The following POLE variants were observed in gnomAD, a reference collection of about 807,000 sequenced individuals.
POLE encodes DNA polymerase epsilon catalytic subunit A.
A neutral mutation model predicts 279.2 loss-of-function variants in POLE; 188 were observed. That is an observed-to-expected ratio of 0.67 (90% CI 0.60 to 0.76). The LOEUF is 0.76. Among genes scored for constraint, POLE ranks in the 30% least tolerant of loss-of-function variants. POLE has a pLI of 0.00. For synonymous variants in POLE, 1,214 were observed against 1,172.5 expected (o/e 1.04, Z -0.72); for missense variants, 2,703 against 3,016.7 (o/e 0.90, Z 2.44).
Position 132,644,084 on chromosome 12 carries a change from G to A in POLE, c.4150-107C>T, listed in dbSNP as rs10870483. 764,311 of 1,238,554 alleles carry A rather than the reference G, an allele frequency of 0.62. 239,101 individuals are homozygous for A. Among genetic ancestry groups the A allele is most frequent in the African/African-American group, 0.85 (57,129 of 67,026 alleles). 76.7% of individuals were successfully genotyped at this position (1,238,554 alleles called of 1,614,324 possible). A position where few individuals can be genotyped will look rare whatever the true frequency, so the allele number is the denominator to read the frequency against. ...GAGTCCTAGACTTCTGGTGCCCCTA[G>A]CGACGGGGTACACCCACCACGCCAC... is the stretch of plus-strand genomic sequence containing the variant. On this transcript the variant is annotated intron_variant, in intron 32 of 48. Coordinates refer to ENST00000320574, the MANE Select transcript of POLE (RefSeq NM_006231.4).
Position 132,648,938 on chromosome 12 carries a change from C to A in POLE, c.4140G>T (p.Ser1380=), listed in dbSNP as rs199851128. The part of the protein sequence containing the change: ...QRVAKAEEGA[S]YRKVNRVLPR... ...ACCAGCTCCTCCCTACCTTGCGATACGAAGCACCCTCCTCCGCTTTAGCGA... is the reference window on the plus strand; with the variant it reads ...ACCAGCTCCTCCCTACCTTGCGATAAGAAGCACCCTCCTCCGCTTTAGCGA... Residue 1380 remains serine (S), a synonymous_variant, in exon 32 of 49, where the codon TCG becomes TCT. Coordinates refer to ENST00000320574, the MANE Select transcript of POLE (RefSeq NM_006231.4). The A allele has an allele frequency of 6.2e-7, 1 of 1,612,200 alleles. No homozygotes were observed. Among genetic ancestry groups the A allele is most frequent in the Non-Finnish European group, 8.5e-7 (1 of 1,178,694 alleles).
At position 132,634,050 on chromosome 12, in the gene POLE, G is replaced by A; in HGVS notation, c.6004+136C>T. 1 of 784,420 alleles carries A rather than the reference G, an allele frequency of 1.3e-6. No homozygotes were observed. Among genetic ancestry groups the A allele is most frequent in the Non-Finnish European group, 2.1e-6 (1 of 483,322 alleles). The allele number at this position is 784,420 out of a possible 1,614,324, so 48.6% of individuals were successfully genotyped here. ...GAGAGGAGGCCCCTCGGCTCACAAA[G>A]TCCCAACTGCTGGGCAGGCTCCGCC... is the stretch of plus-strand genomic sequence containing the variant. On this transcript the variant is annotated intron_variant, in intron 43 of 48. Transcript: ENST00000320574. The surrounding 1 kb of genome is among the most constrained non-coding windows in gnomAD (Gnocchi z 4.0).
At chr12:132,648,802 T>C in intron 32 of POLE, 127 bp downstream of exon 32, 1 of 1,039,342 alleles carries the variant, frequency 9.6e-7, no homozygotes, top group Non-Finnish European at 1.4e-6. Context: ...CACACGTTGT[T>C]TTGAGGAATT....
chr12:132,626,402 G>A (rs2041840935), intron 45 of POLE, 85 bp from the exon 46 acceptor site: 7 of 1,324,146 alleles, frequency 5.3e-6, no homozygotes, highest in South Asian at 4.9e-5. Flanking sequence ...TGGACCTTAG[G>A]CTACAGTTTC....
At chr12:132,644,662 A>G (rs1314741139) in intron 32 of POLE, among the ~76,000 whole-genome samples, 4 of 151,678 alleles carry the variant, frequency 2.6e-5, no homozygotes, top group Non-Finnish European at 5.9e-5. Flanking sequence ...GGGGAGCCAG[A>G]GTGTGTGTGT....
At chr12:132,679,112 C>G (rs1474991914) in intron 6 of POLE, among the ~76,000 whole-genome samples, 2 of 152,340 alleles carry the variant, frequency 1.3e-5, no homozygotes, top group African/African-American at 4.8e-5. Context: ...GTGTTCTAGG[C>G]TTAAATTTCT....
At chr12:132,677,762 TGGA>T in intron 6 of POLE, 43 bp from the exon 7 acceptor site, 2 of 1,598,996 alleles carry the variant, frequency 1.3e-6, no homozygotes, top group African/African-American at 1.3e-5. Context: ...TGCCAGGGTC[TGGA>T]GGAGGTGAGA....
Position 132,667,756 on chromosome 12 carries a change from G to A in POLE, c.2174-108C>T, listed in dbSNP as rs887319592. 1.9e-5 allele frequency: 23 copies of A among 1,184,116 alleles called. No individual in the cohort carries two copies. The South Asian group carries it at 2.3e-4, about 12-fold the overall frequency. The allele number at this position is 1,184,116 out of a possible 1,614,324, so 73.4% of individuals were successfully genotyped here. A position where few individuals can be genotyped will look rare whatever the true frequency, so the allele number is the denominator to read the frequency against. ...ATGGCTTCTACGTCACCACAAAGGAGCAACAGCTCAGATACACTGCTAGTT... is the reference window on the plus strand; with the variant it reads ...ATGGCTTCTACGTCACCACAAAGGAACAACAGCTCAGATACACTGCTAGTT... On this transcript the variant is annotated intron_variant, in intron 19 of 48. Transcript: ENST00000320574.
intron 9 of POLE, 138 bp downstream of exon 9, chr12:132,676,408 C>T (rs1002720255): frequency 2.5e-5 from 18 of 725,052 alleles, no homozygotes; most frequent in Middle Eastern, 3.3e-4. Flanking sequence ...GAGGTCGGAA[C>T]GGCTTGGTTG....
intron 48 of POLE, 40 bp from the exon 49 acceptor site, chr12:132,624,850 C>T (rs773619926): frequency 1.3e-6 from 2 of 1,586,756 alleles, no homozygotes; most frequent in South Asian, 2.2e-5. Flanking sequence ...CCAGTCCACT[C>T]AGAGAGGAGG....
intron 29 of POLE, 81 bp downstream of exon 29, chr12:132,657,055 C>G: frequency 6.9e-7 from 1 of 1,458,142 alleles, no homozygotes; most frequent in Non-Finnish European, 9.5e-7. Context: ...TTCACTACAG[C>G]ACACACAGCA....
At chr12:132,651,286 C>A (rs1272698566) in intron 29 of POLE, 1 of 152,204 alleles carries the variant, frequency 6.6e-6, no homozygotes, top group Non-Finnish European at 1.5e-5. Flanking sequence ...CATATAAACA[C>A]ATCAGCCTAC....
Position 132,638,052 on chromosome 12 carries a change from C to T in POLE, c.5640G>A (p.Val1880=), listed in dbSNP as rs2138500684. 6.2e-7 allele frequency: 1 copy of T among 1,614,082 alleles called. No homozygotes were observed. The highest frequency in any genetic ancestry group is 1.6e-4 in the Middle Eastern group (1 of 6,062). The change falls in exon 41 of 49, where the codon GTG becomes GTA. Residue 1880 remains valine, a synonymous_variant. Coordinates refer to ENST00000320574, the MANE Select transcript of POLE (RefSeq NM_006231.4). The stretch of plus-strand genomic sequence containing the variant: ...ACTCCACGTAAGCGATGGCATCTTC[C>T]ACACGGCGCTTCTTTGTACAGAGGA... ...RIILCTKKRR[V]EDAIAYVEYI... is the part of the protein sequence containing the mutation.
Position 132,668,269 on chromosome 12 carries a change from C to A in POLE, c.2173+87G>T, listed in dbSNP as rs1224420356. 1.4e-6 allele frequency: 2 copies of A among 1,465,200 alleles called. No homozygotes were observed. The highest frequency in any genetic ancestry group is 1.8e-6 in the Non-Finnish European group (2 of 1,106,966). The allele number at this position is 1,465,200 out of a possible 1,614,324, so 90.8% of individuals were successfully genotyped here. ...TGTGACAACACCTCTGGGGCCCCAG[C>A]TGGGATGGACCAACGCAGCCCAGTA... On this transcript the variant is annotated intron_variant, in intron 19 of 48. Coordinates refer to ENST00000320574, the MANE Select transcript of POLE (RefSeq NM_006231.4). The surrounding 1 kb of genome is among the most constrained non-coding windows in gnomAD (Gnocchi z 4.0).
At chr12:132,636,765 A>G (rs895339297) in intron 41 of POLE, among the ~76,000 whole-genome samples, 6 of 151,622 alleles carry the variant, frequency 4.0e-5, no homozygotes, top group African/African-American at 1.5e-4. Flanking sequence ...CTAAAAAACA[A>G]ACAAAACCCC....
At position 132,641,786 on chromosome 12, in the gene POLE, C is replaced by T. The variant is rs753105796; in HGVS notation, c.5239G>A (p.Asp1747Asn). ...CCCATGCTGTCGGCCCCCTCCATGT[C>T]GTTGACATGGTGAGACTGGAGAATG... ...NTILQSHHVN[D>N]MEGADSMGIS... is the part of the protein sequence containing the mutation. Residue 1747 changes from aspartate (D) to asparagine (N), a missense_variant, in exon 39 of 49, where the codon GAC becomes AAC. By Grantham distance (23) the Asp-to-Asn change is conservative (BLOSUM62 1). Transcript: ENST00000320574. 3 of 1,607,684 alleles carry T rather than the reference C, an allele frequency of 1.9e-6. No individual in the cohort carries two copies. Among genetic ancestry groups the T allele is most frequent in the East Asian group, 2.2e-5 (1 of 44,890 alleles).
In POLE at chr12:132,671,556, C is replaced by T. The variant is rs999554129; in HGVS notation, c.1794+659G>A. ...TGGTGGCGGATGCCTGTAATCCCAGCTACTGGGGAGCCTGAGGCAGGAGAA... is the reference window on the plus strand; with the variant it reads ...TGGTGGCGGATGCCTGTAATCCCAGTTACTGGGGAGCCTGAGGCAGGAGAA... On this transcript the variant is annotated intron_variant, in intron 16 of 48. Transcript: ENST00000320574. Among the ~76,000 whole-genome samples the T allele has an allele frequency of 2.6e-4, 39 of 151,408 alleles. 2 individuals carry two copies. Among genetic ancestry groups the T allele is most frequent in the African/African-American group, 9.6e-4 (39 of 40,790 alleles).
At position 132,657,449 on chromosome 12, in the gene POLE, GCA is replaced by G. The variant is rs771923838; in HGVS notation, c.3379-22_3379-21del. On this transcript the variant is annotated intron_variant, in intron 27 of 48. Transcript: ENST00000320574. ...CAGAATCTGCATGTGCAGGAAACGG[GCA>G]CAGAGAACAGCAGGTGGCAGCAGCC... 3 of 1,610,964 alleles carry G rather than the reference GCA, an allele frequency of 1.9e-6. No homozygotes were observed. The African/African-American group carries it at 4.0e-5, about 22-fold the overall frequency.
chr12:132,672,710 C>CCTACGTCCGT lies in POLE; in HGVS notation c.1602_1603insACGGACGTAG (p.Asp535ThrfsTer6). On this transcript the variant is annotated frameshift_variant, in exon 15 of 49. Transcript: ENST00000320574. LOFTEE classifies it high-confidence loss of function. ...TGGCCCCCGACGTAGGTCTCAGAGT[C>CCTACGTCCGT]CAGCACGTGTCCGTCGTCCGTCAGC... The CCTACGTCCGT allele has an allele frequency of 1.2e-6, 2 of 1,614,170 alleles. No individual in the cohort carries two copies. The highest frequency in any genetic ancestry group is 8.5e-7 in the Non-Finnish European group (1 of 1,180,040).
Sources: gnomAD v4.1 joint callset for allele counts (sites outside exome capture counted in the v4.1 genomes callset) on GRCh38, gnomAD v4.1.1 for gene constraint, Gnocchi (gnomAD v3.1) non-coding constraint, MANE v1.5 for transcripts, NCBI Gene and HGNC (gene_info 2026-07-23, HGNC 2026-07-21) for gene names.